The following GPR137C variants were observed in gnomAD, a reference collection of about 807,000 sequenced individuals.
GPR137C encodes G protein-coupled receptor 137C.
GPR137C carries 27 observed loss-of-function variants against 43.4 expected under a neutral mutation model. That is an observed-to-expected ratio of 0.62 (90% CI 0.46 to 0.86). The LOEUF is 0.86. Among genes scored for constraint, GPR137C ranks in the 40% least tolerant of loss-of-function variants. The pLI is 0.00. For missense variants in GPR137C, 522 were observed against 534.6 expected, an observed-to-expected ratio of 0.98 and a Z score of 0.23; for synonymous variants, 285 against 226.9, an observed-to-expected ratio of 1.26 and a Z score of -2.30.
chr14:52,594,042 T>C (rs1294014077), intron 1 of GPR137C, among the ~76,000 whole-genome samples: 1 of 152,222 alleles, frequency 6.6e-6, no homozygotes, highest in Admixed American at 6.5e-5. Context: ...TTTGTTCTCA[T>C]TGGTTTCAAA....
At chr14:52,614,335 G>A (rs1433182254) in intron 3 of GPR137C, among the ~76,000 whole-genome samples, 3 of 151,862 alleles carry the variant, frequency 2.0e-5, no homozygotes, top group Non-Finnish European at 4.4e-5. Context: ...CGCCCAGGCT[G>A]GTCTCAAACT....
At chr14:52,567,807 G>A (rs971978556) in intron 1 of GPR137C, among the ~76,000 whole-genome samples, 2 of 151,848 alleles carry the variant, frequency 1.3e-5, no homozygotes, top group Admixed American at 6.6e-5. Context: ...TTACAGGTGC[G>A]TGCCTCCACG....
intron 1 of GPR137C, among the ~76,000 whole-genome samples, chr14:52,594,171 G>C (rs2038820408): frequency 6.7e-6 from 1 of 150,016 alleles, no homozygotes; most frequent in African/African-American, 2.4e-5. Flanking sequence ...GAGATTGATT[G>C]CCCTGTGGTC....
At chr14:52,606,720 G>T (rs1452486248) in intron 3 of GPR137C, among the ~76,000 whole-genome samples, 1 of 151,954 alleles carries the variant, frequency 6.6e-6, no homozygotes, top group African/African-American at 2.4e-5. Context: ...TAAGTTTGTT[G>T]ATTTATTTTT....
chr14:52,621,302 A>G (rs888570908), intron 3 of GPR137C, among the ~76,000 whole-genome samples: 3 of 151,894 alleles, frequency 2.0e-5, no homozygotes, highest in Admixed American at 1.3e-4. Context: ...ACTCTGAAAT[A>G]CAAATCCAGT....
intron 1 of GPR137C, among the ~76,000 whole-genome samples, chr14:52,579,771 C>A (rs2038616673): frequency 6.6e-6 from 1 of 152,206 alleles, no homozygotes; most frequent in South Asian, 2.1e-4. Context: ...TGAGGTGTAA[C>A]AACACATGTG....
chr14:52,598,157 C>T (rs946278091), intron 1 of GPR137C, 115 bp from the exon 2 acceptor site: 5 of 439,510 alleles, frequency 1.1e-5, no homozygotes, highest in Non-Finnish European at 1.7e-5. Context: ...AACATTTCAA[C>T]TTTGCGTGCT....
chr14:52,574,451 A>G (rs2038520077), intron 1 of GPR137C, among the ~76,000 whole-genome samples: 2 of 152,228 alleles, frequency 1.3e-5, no homozygotes, highest in Admixed American at 1.3e-4. Flanking sequence ...CATCATTCTC[A>G]GCAGACTAAC....
chr14:52,553,611 A>C lies in GPR137C; in HGVS notation c.444+20A>C. On this transcript the variant is annotated intron_variant, in intron 1 of 6. Transcript: ENST00000321662. ...GCGGAGGTAAGGCGGGAGGGCCGGCATGCGGGGCCCGGGCGGGTGCGCGGG... is the reference window on the plus strand; with the variant it reads ...GCGGAGGTAAGGCGGGAGGGCCGGCCTGCGGGGCCCGGGCGGGTGCGCGGG... The C allele has an allele frequency of 6.6e-7, 1 of 1,511,072 alleles. No individual in the cohort carries two copies. The highest frequency in any genetic ancestry group is 1.2e-5 in the South Asian group (1 of 82,010). The allele number at this position is 1,511,072 out of a possible 1,614,324, so 93.6% of individuals were successfully genotyped here. A position where few individuals can be genotyped will look rare whatever the true frequency, so the allele number is the denominator to read the frequency against.
intron 1 of GPR137C, among the ~76,000 whole-genome samples, chr14:52,564,024 C>T (rs1188539671): frequency 6.6e-6 from 1 of 152,024 alleles, no homozygotes; most frequent in African/African-American, 2.4e-5. Flanking sequence ...ACCCGTAATC[C>T]CAGCACTTTG....
chr14:52,627,412 AAAATTG>A (rs2039240626), intron 3 of GPR137C, among the ~76,000 whole-genome samples: 1 of 152,198 alleles, frequency 6.6e-6, no homozygotes, highest in South Asian at 2.1e-4. Flanking sequence ...TAAAAATTTA[AAAATTG>A]AAATTGACAG....
chr14:52,560,388 A>G (rs1351987736), intron 1 of GPR137C, among the ~76,000 whole-genome samples: 1 of 152,172 alleles, frequency 6.6e-6, no homozygotes, highest in African/African-American at 2.4e-5. Context: ...TTTGCAGGAT[A>G]TTTTGGTAGC....
chr14:52,611,883 G>A (rs1428041267), intron 3 of GPR137C: 5 of 910,992 alleles, frequency 5.5e-6, no homozygotes, highest in Non-Finnish European at 6.6e-6. Context: ...ATATTACGTG[G>A]CACTAAAAAT....
At chr14:52,554,695 T>C (rs1275858631) in intron 1 of GPR137C, among the ~76,000 whole-genome samples, 1 of 139,590 alleles carries the variant, frequency 7.2e-6, no homozygotes, top group African/African-American at 2.9e-5. Context: ...ATGGAATTAA[T>C]GTAGTTCCAA....
chr14:52,562,503 G>C (rs971220999), intron 1 of GPR137C, among the ~76,000 whole-genome samples: 1 of 152,246 alleles, frequency 6.6e-6, no homozygotes, highest in African/African-American at 2.4e-5. Flanking sequence ...CGTGTCTGTA[G>C]TCTCAGCTAC....
chr14:52,599,556 C>T (rs1198117859), intron 2 of GPR137C, among the ~76,000 whole-genome samples: 3 of 151,900 alleles, frequency 2.0e-5, no homozygotes, highest in Admixed American at 6.6e-5. Flanking sequence ...GCCTCAGCCT[C>T]CTGAATAGCT....
chr14:52,617,486 C>A (rs1217710374), intron 3 of GPR137C, among the ~76,000 whole-genome samples: 1 of 152,036 alleles, frequency 6.6e-6, no homozygotes, highest in Non-Finnish European at 1.5e-5. Flanking sequence ...CAAGACCAGC[C>A]TAGCCAACAT....
intron 3 of GPR137C, among the ~76,000 whole-genome samples, chr14:52,627,443 C>T (rs1385263424): frequency 6.6e-6 from 1 of 152,060 alleles, no homozygotes; most frequent in Non-Finnish European, 1.5e-5. Context: ...GCAAACTCAC[C>T]AAGTGGTATA....
chr14:52,568,264 A>AT (rs1307807476), intron 1 of GPR137C, among the ~76,000 whole-genome samples: 1 of 152,118 alleles, frequency 6.6e-6, no homozygotes, highest in Non-Finnish European at 1.5e-5. Context: ...AAAATGGTGC[A>AT]TTCCAGCTCA....
Sources: allele counts gnomAD v4.1 joint callset (sites outside exome capture counted in the v4.1 genomes callset), GRCh38; gene constraint gnomAD v4.1.1; transcripts MANE v1.5; gene names NCBI Gene and HGNC (gene_info 2026-07-23, HGNC 2026-07-21).